GPC5: variants seen among roughly 807,000 people sequenced by gnomAD.
GPC5 encodes glypican-5.
Under a neutral mutation model 53.9 loss-of-function variants are expected in GPC5, and 47 were observed. The ratio of observed to expected loss-of-function variants is 0.87; its 90% CI spans 0.69 to 1.11. The LOEUF (loss-of-function observed/expected upper bound fraction) is 1.11. Ranked by LOEUF, GPC5 falls within the 50% of genes most tolerant of loss-of-function variation. The pLI, the probability that GPC5 is intolerant of heterozygous loss-of-function variation, is 0.00. For missense variants in GPC5, 748 were observed against 713.1 expected (o/e 1.05, Z -0.56); for synonymous variants, 286 against 263.3 (o/e 1.09, Z -0.84).
chr13:92,472,161 G>T (rs940056491), intron 7 of GPC5, among the ~76,000 whole-genome samples: 1 of 152,122 alleles, frequency 6.6e-6, no homozygotes, highest in African/African-American at 2.4e-5. Flanking sequence ...TTCCTCCTGT[G>T]TGAACTTGGG....
chr13:91,625,572 T>A (rs1450380021), intron 2 of GPC5, among the ~76,000 whole-genome samples: 1 of 151,938 alleles, frequency 6.6e-6, no homozygotes, highest in African/African-American at 2.4e-5. Flanking sequence ...GTAAACAGAC[T>A]TAATATCTAA....
At chr13:91,532,623 C>T (rs560953786) in intron 2 of GPC5, among the ~76,000 whole-genome samples, 6 of 152,168 alleles carry the variant, frequency 3.9e-5, no homozygotes, top group East Asian at 1.9e-4. Flanking sequence ...CCCAGCACTT[C>T]GGGAGGCTGA....
chr13:91,592,527 C>T (rs2032839487), intron 2 of GPC5, among the ~76,000 whole-genome samples: 1 of 152,170 alleles, frequency 6.6e-6, no homozygotes, highest in South Asian at 2.1e-4. Flanking sequence ...AGGCATGCCC[C>T]ACTCACACTA....
chr13:91,400,011 C>A (rs1427928474), intron 1 of GPC5, among the ~76,000 whole-genome samples: 1 of 152,180 alleles, frequency 6.6e-6, no homozygotes, highest in Admixed American at 6.5e-5. Flanking sequence ...CTCCCCGTTT[C>A]CACCGCACCA....
chr13:91,897,291 C>T (rs1241146646), intron 5 of GPC5, among the ~76,000 whole-genome samples: 1 of 151,710 alleles, frequency 6.6e-6, no homozygotes, highest in Non-Finnish European at 1.5e-5. Context: ...GGCCCAGGAA[C>T]ACAGCTTTTT....
intron 7 of GPC5, among the ~76,000 whole-genome samples, chr13:92,561,960 C>A (rs1396794822): frequency 2.0e-5 from 3 of 152,048 alleles, no homozygotes; most frequent in Non-Finnish European, 4.4e-5. Context: ...TAAATATCTT[C>A]TCTTTCCTGA....
intron 7 of GPC5, among the ~76,000 whole-genome samples, chr13:92,293,668 A>G (rs1254509361): frequency 6.6e-6 from 1 of 151,926 alleles, no homozygotes; most frequent in Non-Finnish European, 1.5e-5. Context: ...CCTCATTACC[A>G]ATTTGGATGC....
intron 7 of GPC5, among the ~76,000 whole-genome samples, chr13:92,507,597 C>G (rs1880418365): frequency 6.6e-6 from 1 of 152,130 alleles, no homozygotes; most frequent in Admixed American, 6.5e-5. Context: ...CACACCCACT[C>G]TACCTATAAC....
chr13:92,785,984 T>C (rs974953313), intron 7 of GPC5, among the ~76,000 whole-genome samples: 3 of 152,208 alleles, frequency 2.0e-5, no homozygotes, highest in African/African-American at 7.2e-5. Flanking sequence ...TAGTTTGTAC[T>C]TTGTCAATTA....
At chr13:92,259,559 C>G (rs1279114298) in intron 7 of GPC5, among the ~76,000 whole-genome samples, 1 of 152,096 alleles carries the variant, frequency 6.6e-6, no homozygotes, top group East Asian at 1.9e-4. Context: ...CCTATCATTC[C>G]CATCCTGCCT....
At chr13:92,496,087 A>AT (rs1879968220) in intron 7 of GPC5, among the ~76,000 whole-genome samples, 1 of 152,066 alleles carries the variant, frequency 6.6e-6, no homozygotes, top group Non-Finnish European at 1.5e-5. Flanking sequence ...CTTTCTGTCA[A>AT]TGGAGGACCT....
intron 7 of GPC5, among the ~76,000 whole-genome samples, chr13:92,561,351 G>A (rs537245999): frequency 6.0e-4 from 91 of 152,104 alleles, no homozygotes; most frequent in Non-Finnish European, 7.1e-4. Context: ...GTGGTTGAGC[G>A]CGTGGTCTCT....
chr13:91,960,759 G>A (rs1372833118), intron 6 of GPC5, among the ~76,000 whole-genome samples: 1 of 151,852 alleles, frequency 6.6e-6, no homozygotes, highest in Non-Finnish European at 1.5e-5. Context: ...CATATGTACA[G>A]CTACACATTT....
chr13:92,381,897 A>ATCATATATATCATATATATGATTATATAT (rs1218262542), intron 7 of GPC5, among the ~76,000 whole-genome samples: 1 of 101,336 alleles, frequency 9.9e-6, no homozygotes, highest in African/African-American at 3.7e-5. Context: ...TATTATATAT[A>ATCATATATATCATATATATGATTATATAT]ATCATATATA....
intron 7 of GPC5, among the ~76,000 whole-genome samples, chr13:92,288,113 C>T (rs1307903403): frequency 6.6e-6 from 1 of 151,880 alleles, no homozygotes; most frequent in Non-Finnish European, 1.5e-5. Flanking sequence ...ATTTAAATCC[C>T]TATCTGTTTG....
intron 7 of GPC5, among the ~76,000 whole-genome samples, chr13:92,782,852 C>T (rs1246202848): frequency 6.6e-6 from 1 of 152,012 alleles, no homozygotes; most frequent in Non-Finnish European, 1.5e-5. Context: ...TCTTATGATT[C>T]ATAGCATGCT....
At chr13:92,418,727 AAG>A (rs1271063119) in intron 7 of GPC5, among the ~76,000 whole-genome samples, 1 of 152,208 alleles carries the variant, frequency 6.6e-6, no homozygotes, top group African/African-American at 2.4e-5. Context: ...TTTTGTGTGC[AAG>A]AAAATTAGAC....
At chr13:91,736,148 AAG>A (rs1432210250) in intron 4 of GPC5, among the ~76,000 whole-genome samples, 1 of 151,264 alleles carries the variant, frequency 6.6e-6, no homozygotes, top group Non-Finnish European at 1.5e-5. Flanking sequence ...ATAGAAAAGA[AAG>A]AGGGTGAGGG....
chr13:91,679,611 T>A (rs911735009), intron 2 of GPC5, among the ~76,000 whole-genome samples: 5 of 152,196 alleles, frequency 3.3e-5, no homozygotes, highest in Non-Finnish European at 5.9e-5. Flanking sequence ...AAAGCAATGG[T>A]GAGCAAAACT....
Sources: allele counts gnomAD v4.1 joint callset (sites outside exome capture counted in the v4.1 genomes callset), GRCh38; gene constraint gnomAD v4.1.1; transcripts MANE v1.5; gene names NCBI Gene and HGNC (gene_info 2026-07-23, HGNC 2026-07-21).